The following SLC22A15 variants were observed in gnomAD, a reference collection of about 807,000 sequenced individuals.
The protein encoded by SLC22A15 is flipt 1.
Under a neutral mutation model 62.7 loss-of-function variants are expected in SLC22A15, and 45 were observed. The ratio of observed to expected loss-of-function variants is 0.72; its 90% CI spans 0.56 to 0.92. The LOEUF (loss-of-function observed/expected upper bound fraction) is 0.92. Ranked by LOEUF, SLC22A15 falls within the 40% of genes least tolerant of loss-of-function variation. The probability of loss-of-function intolerance (pLI) is 0.00; values close to 1 mark genes in which losing one functional copy is unlikely to be tolerated. For synonymous variants in SLC22A15, 264 were observed against 267.0 expected, an observed-to-expected ratio of 0.99 and a Z score of 0.11; for missense variants, 622 against 665.6, an observed-to-expected ratio of 0.93 and a Z score of 0.72.
chr1:116,060,879 G>A (rs1422851686), intron 8 of SLC22A15, among the ~76,000 whole-genome samples: 1 of 152,194 alleles, frequency 6.6e-6, no homozygotes, highest in African/African-American at 2.4e-5. Context: ...AGAAGAGTTT[G>A]AGAAAGCAGC....
intron 6 of SLC22A15, among the ~76,000 whole-genome samples, chr1:116,034,905 A>G (rs915124931): frequency 1.3e-5 from 2 of 152,272 alleles, no homozygotes; most frequent in Non-Finnish European, 2.9e-5. Context: ...CTGAAAGCAC[A>G]TGCAATGTCT....
intron 2 of SLC22A15, among the ~76,000 whole-genome samples, chr1:116,010,737 T>C (rs946130466): frequency 3.3e-5 from 5 of 152,314 alleles, no homozygotes; most frequent in East Asian, 3.9e-4. Flanking sequence ...CCATAGCGAC[T>C]CTCTGATTGC....
At position 116,004,171 on chromosome 1, in the gene SLC22A15, T is replaced by G. The variant is rs187908423; in HGVS notation, c.300+11928T>G. On this transcript the variant is annotated intron_variant, in intron 2 of 11. Coordinates refer to ENST00000369503, the MANE Select transcript of SLC22A15 (RefSeq NM_018420.3). The stretch of plus-strand genomic sequence containing the variant: ...AGATTTGAGACTGATCTCCCATCTC[T>G]TTGGCTGCAGCACCCAATAAAGCCT... Among the ~76,000 whole-genome samples, 263 of 152,320 alleles carry G rather than the reference T, an allele frequency of 1.7e-3. 1 individual carries two copies. Among genetic ancestry groups the G allele is most frequent in the African/African-American group, 5.9e-3 (245 of 41,574 alleles).
At chr1:116,050,965 C>G (rs1168604911) in intron 8 of SLC22A15, among the ~76,000 whole-genome samples, 5 of 152,156 alleles carry the variant, frequency 3.3e-5, no homozygotes, top group Non-Finnish European at 5.9e-5. Context: ...AACTCAACCC[C>G]TTTATGGTAG....
At chr1:116,010,040 A>C (rs905983747) in intron 2 of SLC22A15, among the ~76,000 whole-genome samples, 2 of 151,932 alleles carry the variant, frequency 1.3e-5, no homozygotes, top group African/African-American at 4.9e-5. Flanking sequence ...GGTTAGGTGG[A>C]TGTGATTAAC....
intron 8 of SLC22A15, among the ~76,000 whole-genome samples, chr1:116,044,670 A>C (rs1368220553): frequency 6.6e-6 from 1 of 152,244 alleles, no homozygotes; most frequent in South Asian, 2.1e-4. Flanking sequence ...AGAAATCTGT[A>C]AGAATTAATA....
chr1:116,057,707 C>A (rs898981803), intron 8 of SLC22A15, among the ~76,000 whole-genome samples: 2 of 152,132 alleles, frequency 1.3e-5, no homozygotes, highest in Admixed American at 6.6e-5. Flanking sequence ...CACATATACA[C>A]CATGGAATAC....
rs114379986 is a variant in SLC22A15, at chr1:116,011,038, C to T, written c.301-8544C>T. Among the ~76,000 whole-genome samples the T allele has an allele frequency of 3.9e-3, 599 of 152,250 alleles. 7 individuals are homozygous for T. The highest frequency in any genetic ancestry group is 0.014 in the African/African-American group (579 of 41,544). Reference sequence around the variant, plus strand: ...CTATGCCCTGAACAGTCATGTGGTGCGTCCTCCTTTCAGAGAAGGCTGTGT... The same window carrying T: ...CTATGCCCTGAACAGTCATGTGGTGTGTCCTCCTTTCAGAGAAGGCTGTGT... On this transcript the variant is annotated intron_variant, in intron 2 of 11. Transcript: ENST00000369503.
At chr1:116,031,993 C>T (rs1657428703) in intron 6 of SLC22A15, 7 of 1,058,584 alleles carry the variant, frequency 6.6e-6, no homozygotes, top group Non-Finnish European at 8.0e-6. Flanking sequence ...AGTTTGCTAG[C>T]ACATTCTGAT....
intron 2 of SLC22A15, among the ~76,000 whole-genome samples, chr1:116,001,377 T>A (rs1194057168): frequency 1.3e-5 from 2 of 152,194 alleles, no homozygotes; most frequent in African/African-American, 4.8e-5. Flanking sequence ...TATCTTTCTC[T>A]CTAGGTATGG....
chr1:115,987,771 A>G (rs1363310692), intron 1 of SLC22A15, among the ~76,000 whole-genome samples: 1 of 152,190 alleles, frequency 6.6e-6, no homozygotes, highest in African/African-American at 2.4e-5. Flanking sequence ...CTCCGAAAAA[A>G]GCTCTGGCCC....
chr1:116,007,175 A>G (rs374283096), intron 2 of SLC22A15, among the ~76,000 whole-genome samples: 2 of 152,146 alleles, frequency 1.3e-5, no homozygotes, highest in African/African-American at 4.8e-5. Context: ...TACCTGTGCA[A>G]ATAGTGACCC....
At position 116,037,574 on chromosome 1, in the gene SLC22A15, T is replaced by C. The variant is rs1446393293; in HGVS notation, c.1171+186T>C. On this transcript the variant is annotated intron_variant, in intron 8 of 11. Coordinates refer to ENST00000369503, the MANE Select transcript of SLC22A15 (RefSeq NM_018420.3). ...AGCTATTCTCTGGGTGAATAATGTG[T>C]GTAGAGGTGCACTATTAATTCTTTC... 6 of 548,668 alleles carry C rather than the reference T, an allele frequency of 1.1e-5. No homozygotes were observed. The Admixed American group carries it at 1.5e-4, about 14-fold the overall frequency. 34.0% of individuals were successfully genotyped at this position (548,668 alleles called of 1,614,324 possible). A position where few individuals can be genotyped will look rare whatever the true frequency, so the allele number is the denominator to read the frequency against.
chr1:115,988,935 G>GCTTGCCT (rs1655016322), intron 1 of SLC22A15, among the ~76,000 whole-genome samples: 1 of 152,104 alleles, frequency 6.6e-6, no homozygotes, highest in African/African-American at 2.4e-5. Flanking sequence ...TATCATTACT[G>GCTTGCCT]CTTGCCTCTT....
intron 11 of SLC22A15, among the ~76,000 whole-genome samples, 155 bp from the exon 12 acceptor site, chr1:116,066,864 T>A (rs377728308): frequency 6.6e-6 from 1 of 152,246 alleles, no homozygotes; most frequent in Non-Finnish European, 1.5e-5. Flanking sequence ...GGATGATCGA[T>A]GATTCATTAG....
chr1:116,007,673 T>TG (rs1656049137), intron 2 of SLC22A15, among the ~76,000 whole-genome samples: 1 of 152,168 alleles, frequency 6.6e-6, no homozygotes, highest in African/African-American at 2.4e-5. Flanking sequence ...CTTCCATAGA[T>TG]GCTATGTATT....
At position 116,068,063 on chromosome 1, in the gene SLC22A15, A is replaced by ACAATGTGTG. The variant is rs1224493873; in HGVS notation, c.*955_*956insCAATGTGTG. 1 of 152,652 alleles carries ACAATGTGTG rather than the reference A, an allele frequency of 6.6e-6. No homozygotes were observed. The highest frequency in any genetic ancestry group is 2.4e-5 in the African/African-American group (1 of 41,460). 9.5% of individuals were successfully genotyped at this position (152,652 alleles called of 1,614,324 possible). A position where few individuals can be genotyped will look rare whatever the true frequency, so the allele number is the denominator to read the frequency against. On this transcript the variant is annotated 3_prime_UTR_variant, in exon 12 of 12. Transcript: ENST00000369503. Reference sequence around the variant, plus strand: ...TTTGTTTTGCTTTCAGCATTGTGCCATGAGGGATTTGGACAATATTTAAGA... The same window carrying ACAATGTGTG: ...TTTGTTTTGCTTTCAGCATTGTGCCACAATGTGTGTGAGGGATTTGGACAATATTTAAGA...
In SLC22A15 at chr1:116,069,681, G is replaced by T. The variant is rs1389236007; in HGVS notation, c.*2573G>T. The T allele has an allele frequency of 6.6e-6, 1 of 152,014 alleles. No individual in the cohort carries two copies. Among genetic ancestry groups the T allele is most frequent in the Non-Finnish European group, 1.5e-5 (1 of 68,002 alleles). The allele number at this position is 152,014 out of a possible 1,614,324, so 9.4% of individuals were successfully genotyped here. A position where few individuals can be genotyped will look rare whatever the true frequency, so the allele number is the denominator to read the frequency against. On this transcript the variant is annotated 3_prime_UTR_variant, in exon 12 of 12. Coordinates refer to ENST00000369503, the MANE Select transcript of SLC22A15 (RefSeq NM_018420.3). Reference sequence around the variant, plus strand: ...CAGTAAAACCAATACTTGTTATTTGGCTACTTTCAAGCAATGCAGATATTC... The same window carrying T: ...CAGTAAAACCAATACTTGTTATTTGTCTACTTTCAAGCAATGCAGATATTC...
intron 1 of SLC22A15, among the ~76,000 whole-genome samples, chr1:115,977,892 TTCA>T (rs1654395047): frequency 6.6e-6 from 1 of 152,106 alleles, no homozygotes; most frequent in Admixed American, 6.5e-5. Context: ...TTCAGTTGAT[TTCA>T]TCATCAGCCA....
Sources: allele counts gnomAD v4.1 joint callset (sites outside exome capture counted in the v4.1 genomes callset), GRCh38; gene constraint gnomAD v4.1.1; transcripts MANE v1.5; gene names NCBI Gene and HGNC (gene_info 2026-07-23, HGNC 2026-07-21).